Variants in NIPBL observed in about 807,000 individuals in gnomAD.
NIPBL encodes NIPBL cohesin loading factor, also known as nipped-B-like protein.
Under a neutral mutation model 321.8 loss-of-function variants are expected in NIPBL, and 19 were observed. The ratio of observed to expected loss-of-function variants is 0.06; its 90% CI spans 0.04 to 0.09. The LOEUF (loss-of-function observed/expected upper bound fraction) is 0.09, where lower values mean the gene tolerates loss of function less well. NIPBL is among the 10% of genes least tolerant of loss of function. NIPBL has a pLI of 1.00. For synonymous variants in NIPBL, 1,106 were observed against 1,114.1 expected, an observed-to-expected ratio of 0.99 and a Z score of 0.14; for missense variants, 2,210 against 3,327.0, an observed-to-expected ratio of 0.66 and a Z score of 8.26.
rs1410510833 is a variant in NIPBL, at chr5:37,016,024, T to A, written c.4644-14T>A. The A allele has an allele frequency of 6.2e-7, 1 of 1,613,784 alleles. No homozygotes were observed. Among genetic ancestry groups the A allele is most frequent in the Non-Finnish European group, 8.5e-7 (1 of 1,179,800 alleles). On this transcript the variant is annotated splice_polypyrimidine_tract_variant and intron_variant, in intron 22 of 46. Coordinates refer to ENST00000282516, the MANE Select transcript of NIPBL (RefSeq NM_133433.4). ...CCTAAATTGACATCCTTTTCATTAT[T>A]TGCCTTTGAACAGATGTGGTAGTAA...
intron 1 of NIPBL, among the ~76,000 whole-genome samples, chr5:36,888,482 A>T (rs1210236724): frequency 1.3e-5 from 2 of 152,124 alleles, no homozygotes; most frequent in Admixed American, 1.3e-4. Flanking sequence ...ATGTATAAGG[A>T]AAGTTAAAGG....
intron 29 of NIPBL, among the ~76,000 whole-genome samples, chr5:37,024,234 A>G (rs1282576573): frequency 6.6e-6 from 1 of 151,718 alleles, no homozygotes; most frequent in African/African-American, 2.4e-5. Context: ...AAACATTTTT[A>G]TGAAGTCTAC....
intron 3 of NIPBL, among the ~76,000 whole-genome samples, chr5:36,957,256 C>T (rs1331818613): frequency 6.6e-6 from 1 of 152,078 alleles, no homozygotes; most frequent in Non-Finnish European, 1.5e-5. Context: ...TTGAAATTTG[C>T]TGTTTGGTTT....
intron 44 of NIPBL, 61 bp downstream of exon 44, chr5:37,059,226 G>T (rs1299817475): frequency 6.4e-7 from 1 of 1,571,130 alleles, no homozygotes. Flanking sequence ...AAATATTTGG[G>T]CTGGGTGTGG....
At chr5:37,028,609 G>T (rs1750597678) in intron 32 of NIPBL, among the ~76,000 whole-genome samples, 1 of 152,104 alleles carries the variant, frequency 6.6e-6, no homozygotes, top group South Asian at 2.1e-4. Flanking sequence ...CCAAAGTGCT[G>T]AGATACAGGT....
chr5:37,024,477 A>G (rs759627470), intron 29 of NIPBL, 108 bp from the exon 30 acceptor site: 38 of 862,826 alleles, frequency 4.4e-5, no homozygotes, highest in Non-Finnish European at 6.9e-5. Flanking sequence ...AAGTGTGTTT[A>G]TCATGTTAAC....
chr5:36,895,569 A>T (rs1361058916), intron 1 of NIPBL, among the ~76,000 whole-genome samples: 2 of 152,176 alleles, frequency 1.3e-5, no homozygotes, highest in Non-Finnish European at 2.9e-5. Context: ...ATGATTTTAC[A>T]TTTGTAGTAG....
intron 1 of NIPBL, among the ~76,000 whole-genome samples, chr5:36,945,410 T>A (rs967414890): frequency 3.9e-5 from 6 of 152,224 alleles, no homozygotes; most frequent in Admixed American, 2.0e-4. Context: ...ATACACATAT[T>A]TTATAAACTG....
chr5:36,922,032 T>C (rs1748987637), intron 1 of NIPBL, among the ~76,000 whole-genome samples: 1 of 151,576 alleles, frequency 6.6e-6, no homozygotes, highest in Admixed American at 6.6e-5. Context: ...GATTACAGGC[T>C]CCCACCACCA....
At chr5:36,951,441 G>A (rs1445560649) in intron 1 of NIPBL, among the ~76,000 whole-genome samples, 1 of 152,104 alleles carries the variant, frequency 6.6e-6, no homozygotes, top group Non-Finnish European at 1.5e-5. Context: ...ACAGTGAGTT[G>A]TATATGAATA....
chr5:37,013,045 C>CA (rs1491519580), intron 21 of NIPBL, among the ~76,000 whole-genome samples: 1 of 92,772 alleles, frequency 1.1e-5, no homozygotes, highest in African/African-American at 5.5e-5. Flanking sequence ...GGGGGGCTGA[C>CA]CCCCCCCCAC....
chr5:37,028,380 A>G (rs1750568026), intron 32 of NIPBL, among the ~76,000 whole-genome samples: 1 of 124,998 alleles, frequency 8.0e-6, no homozygotes, highest in African/African-American at 3.3e-5. Flanking sequence ...TCTGTTGCCC[A>G]AACTGGAGTG....
At chr5:36,992,494 T>C (rs1236628218) in intron 10 of NIPBL, among the ~76,000 whole-genome samples, 2 of 152,124 alleles carry the variant, frequency 1.3e-5, no homozygotes, top group Non-Finnish European at 2.9e-5. Flanking sequence ...TCTGTTAAAC[T>C]GAGTTAGTTA....
intron 32 of NIPBL, among the ~76,000 whole-genome samples, chr5:37,032,928 C>A (rs926298639): frequency 2.0e-5 from 3 of 152,000 alleles, no homozygotes; most frequent in Non-Finnish European, 2.9e-5. Context: ...AATGTTGGTA[C>A]CTTTAAAAGA....
In NIPBL at chr5:36,911,062, A is replaced by G. The variant is rs138614646; in HGVS notation, c.-80+33884A>G. On this transcript the variant is annotated intron_variant, in intron 1 of 46. Transcript: ENST00000282516. ...GATCATTTAAAAAAATATCTAGACT[A>G]GCATTGTATGAATGAAGACTGCAGA... 8.2e-3 allele frequency among the ~76,000 whole-genome samples: 1,246 copies of G among 152,344 alleles called. 12 individuals are homozygous for G. Among genetic ancestry groups the G allele is most frequent in the African/African-American group, 0.028 (1,184 of 41,568 alleles).
chr5:37,019,518 A>T (rs995954309), intron 25 of NIPBL, 118 bp downstream of exon 25: 3 of 731,206 alleles, frequency 4.1e-6, no homozygotes, highest in South Asian at 1.5e-5. Flanking sequence ...ATTGATTTTC[A>T]AAACAAAGGG....
chr5:37,007,565 A>G, intron 18 of NIPBL, 91 bp downstream of exon 18: 2 of 854,716 alleles, frequency 2.3e-6, no homozygotes, highest in Non-Finnish European at 3.7e-6. Flanking sequence ...GACCAGCACT[A>G]TATTATCAAG....
chr5:37,027,267 T>C lies in NIPBL; in HGVS notation c.5809-92T>C, dbSNP rs1020259584. ...AAATAAACTTTTGAATTGAGAAAAT[T>C]GAAACATGTTTCAGGCTAAAGCATA... On this transcript the variant is annotated intron_variant, in intron 31 of 46. Coordinates refer to ENST00000282516, the MANE Select transcript of NIPBL (RefSeq NM_133433.4). The C allele has an allele frequency of 7.0e-6, 7 of 1,004,030 alleles. No homozygotes were observed. In the African/African-American group the frequency reaches 8.1e-5, roughly 12 times the overall value. The allele number at this position is 1,004,030 out of a possible 1,614,324, so 62.2% of individuals were successfully genotyped here. A position where few individuals can be genotyped will look rare whatever the true frequency, so the allele number is the denominator to read the frequency against.
At chr5:36,914,529 G>A (rs377224007) in intron 1 of NIPBL, among the ~76,000 whole-genome samples, 5 of 152,172 alleles carry the variant, frequency 3.3e-5, no homozygotes, top group Admixed American at 2.6e-4. Context: ...AAGTATTAGA[G>A]ATATTGTATA....
Sources: gnomAD v4.1 joint callset for allele counts (sites outside exome capture counted in the v4.1 genomes callset) on GRCh38, gnomAD v4.1.1 for gene constraint, MANE v1.5 for transcripts, NCBI Gene and HGNC (gene_info 2026-07-23, HGNC 2026-07-21) for gene names.